NCOR2: variants seen among roughly 807,000 people sequenced by gnomAD.
The protein encoded by NCOR2 is CTG repeat protein 26.
Under a neutral mutation model 262.9 loss-of-function variants are expected in NCOR2, and 81 were observed. The observed-to-expected ratio is 0.31, with a 90% CI of 0.26 to 0.37. The LOEUF is 0.37. Among genes scored for constraint, NCOR2 ranks in the 10% least tolerant of loss-of-function variants. NCOR2 has a pLI of 1.00. For missense variants in NCOR2, 3,385 were observed against 3,621.4 expected (o/e 0.93, Z 1.68); for synonymous variants, 1,659 against 1,559.3 (o/e 1.06, Z -1.51).
At chr12:124,452,735 G>A (rs372796593) in intron 6 of NCOR2, among the ~76,000 whole-genome samples, 6 of 152,204 alleles carry the variant, frequency 3.9e-5, no homozygotes, top group East Asian at 3.9e-4. Context: ...GCAAGAGCCC[G>A]GTCAGCCTCC....
chr12:124,415,938 AG>A (rs1431746236), intron 13 of NCOR2, among the ~76,000 whole-genome samples: 1 of 152,102 alleles, frequency 6.6e-6, no homozygotes, highest in Non-Finnish European at 1.5e-5. Flanking sequence ...TTCAACAGCA[AG>A]TAAGAGTTGT....
At chr12:124,369,907 G>A (rs558299120) in intron 20 of NCOR2, among the ~76,000 whole-genome samples, 5 of 152,270 alleles carry the variant, frequency 3.3e-5, no homozygotes, top group South Asian at 2.1e-4. Flanking sequence ...TTCTGGGGAC[G>A]GACAGGATGC....
chr12:124,345,008 T>C lies in NCOR2; in HGVS notation c.4360-57A>G, dbSNP rs1401010708. The C allele has an allele frequency of 6.4e-6, 9 of 1,404,590 alleles. No individual in the cohort carries two copies. In the African/African-American group the frequency reaches 1.2e-4, roughly 18 times the overall value. 87.0% of individuals were successfully genotyped at this position (1,404,590 alleles called of 1,614,324 possible). ...GGCCACAGCCATAGCCCAGACCAGCTGCATCCCCCTTCTGAGCCTCAAAAA... is the reference window on the plus strand; with the variant it reads ...GGCCACAGCCATAGCCCAGACCAGCCGCATCCCCCTTCTGAGCCTCAAAAA... On this transcript the variant is annotated intron_variant, in intron 31 of 46. Transcript: ENST00000405201.
chr12:124,333,879 G>GGTGCGC (rs2035529381), intron 41 of NCOR2, among the ~76,000 whole-genome samples: 1 of 20,372 alleles, frequency 4.9e-5, no homozygotes, highest in Non-Finnish European at 1.4e-4. Flanking sequence ...CATGTGTGCG[G>GGTGCGC]GTGTGCATGT....
At chr12:124,362,022 A>T in intron 22 of NCOR2, 104 bp downstream of exon 24, 2 of 1,074,968 alleles carry the variant, frequency 1.9e-6, no homozygotes, top group African/African-American at 1.6e-5. Flanking sequence ...TTTCCCTGCC[A>T]CTGTGGCCAT....
Position 124,426,903 on chromosome 12 carries a change from G to C in NCOR2, c.1150-103C>G, listed in dbSNP as rs538467870. On this transcript the variant is annotated intron_variant, in intron 10 of 46. Coordinates refer to ENST00000405201, the Ensembl canonical transcript of NCOR2. Reference sequence around the variant, plus strand: ...CAGAGGGGACGGATGGTCTGCGCCAGAGCAGGGAAAACGCGAAACCAAGGA... The same window carrying C: ...CAGAGGGGACGGATGGTCTGCGCCACAGCAGGGAAAACGCGAAACCAAGGA... 1.3e-4 allele frequency: 146 copies of C among 1,161,300 alleles called. 1 individual carries two copies. In the East Asian group the frequency reaches 3.1e-3, roughly 25 times the overall value. 71.9% of individuals were successfully genotyped at this position (1,161,300 alleles called of 1,614,324 possible). A position where few individuals can be genotyped will look rare whatever the true frequency, so the allele number is the denominator to read the frequency against.
intron 22 of NCOR2, among the ~76,000 whole-genome samples, chr12:124,360,064 C>A (rs1215575369): frequency 6.6e-6 from 1 of 152,238 alleles, no homozygotes; most frequent in African/African-American, 2.4e-5. Context: ...GGCTCCCTTT[C>A]TCCCAGGACA....
rs376757891 is a variant in NCOR2, at chr12:124,335,127, G to A, written c.6411+8C>T. ...GGTGACAAGCAGCAGCAGAGAACGC[G>A]TAGTTACACTGATGTGCTGGGCCAG... is the stretch of plus-strand genomic sequence containing the variant. On this transcript the variant is annotated splice_region_variant and intron_variant, in intron 40 of 46. Coordinates refer to ENST00000405201, the Ensembl canonical transcript of NCOR2. The A allele has an allele frequency of 6.7e-5, 108 of 1,612,330 alleles. No individual in the cohort carries two copies. The African/African-American group carries it at 1.1e-3, about 16-fold the overall frequency.
Position 124,495,239 on chromosome 12 carries a change from T to G in NCOR2, c.13A>C (p.Thr5Pro). 1 of 1,613,210 alleles carries G rather than the reference T, an allele frequency of 6.2e-7. No homozygotes were observed. Among genetic ancestry groups the G allele is most frequent in the Non-Finnish European group, 8.5e-7 (1 of 1,179,674 alleles). Residue 5 changes from threonine (T) to proline (P), a missense_variant, in exon 1 of 47, where the codon ACA becomes CCA. Transcript: ENST00000405201. The surrounding 1 kb of genome is among the most constrained non-coding windows in gnomAD (Gnocchi z 4.4). ...CTCCACGTCTGTGCCACAGGCTGTG[T>G]GGATCCCGACATGGTGGTGGGGGTC...
At chr12:124,361,537 C>T (rs555793814) in intron 22 of NCOR2, among the ~76,000 whole-genome samples, 1 of 152,354 alleles carries the variant, frequency 6.6e-6, no homozygotes, top group Admixed American at 6.5e-5. Context: ...CGGGGCAGTC[C>T]CTGTGACACA....
intron 1 of NCOR2, among the ~76,000 whole-genome samples, chr12:124,510,832 G>A (rs533524761): frequency 1.3e-5 from 2 of 152,208 alleles, no homozygotes; most frequent in Non-Finnish European, 2.9e-5. Flanking sequence ...GCTGCACACT[G>A]TCCACCCCGG....
chr12:124,418,340 G>A (rs1277689176), intron 13 of NCOR2, among the ~76,000 whole-genome samples: 1 of 152,180 alleles, frequency 6.6e-6, no homozygotes, highest in Non-Finnish European at 1.5e-5. Flanking sequence ...CAACAGCCTC[G>A]TTTCCCTCAT....
chr12:124,325,263 C>G (rs2034526304), exon 47 of NCOR2: 3 of 508,418 alleles, frequency 5.9e-6, no homozygotes, highest in Non-Finnish European at 6.5e-6. Context: ...CGGCTCTGGA[C>G]GGACAGATGG....
chr12:124,499,796 G>A (rs953831269), upstream of NCOR2, among the ~76,000 whole-genome samples: 1 of 152,160 alleles, frequency 6.6e-6, no homozygotes, highest in African/African-American at 2.4e-5. Flanking sequence ...TTGCGGGGGA[G>A]AGTAAAGGGT....
At chr12:124,557,496 G>A (rs893367340) in intron 1 of NCOR2, among the ~76,000 whole-genome samples, 30 of 152,140 alleles carry the variant, frequency 2.0e-4, no homozygotes, top group Admixed American at 1.6e-3. Context: ...AAGGACACGG[G>A]CCACTGGATT....
chr12:124,514,369 G>A (rs1271767442), intron 1 of NCOR2: 1 of 152,244 alleles, frequency 6.6e-6, no homozygotes, highest in Non-Finnish European at 1.5e-5. Flanking sequence ...AGTCCAAATA[G>A]ACTAAAACAA....
chr12:124,343,004 C>T lies in NCOR2; in HGVS notation c.4936+1G>A. The T allele has an allele frequency of 6.2e-7, 1 of 1,610,520 alleles. No individual in the cohort carries two copies. Among genetic ancestry groups the T allele is most frequent in the Non-Finnish European group, 8.5e-7 (1 of 1,179,838 alleles). On this transcript the variant is annotated splice_donor_variant, in intron 33 of 46. Coordinates refer to ENST00000405201, the Ensembl canonical transcript of NCOR2. LOFTEE classifies it high-confidence loss of function. ...GGTTCTGGGAGCCCCAGGGCAATCA[C>T]CTGCGTCCAGAGGGATGCCGCGGGG...
At chr12:124,537,561 C>T (rs536381714), upstream of NCOR2, among the ~76,000 whole-genome samples, 5 of 152,356 alleles carry the variant, frequency 3.3e-5, no homozygotes, top group South Asian at 2.1e-4. Flanking sequence ...AAAATGGAAA[C>T]GATCATTTTA....
At chr12:124,444,270 T>G (rs1029091332) in intron 7 of NCOR2, among the ~76,000 whole-genome samples, 2 of 152,198 alleles carry the variant, frequency 1.3e-5, no homozygotes, top group Non-Finnish European at 2.9e-5. Flanking sequence ...CAGCATGTGA[T>G]GAGTTTGCTG....
Sources: allele counts gnomAD v4.1 joint callset (sites outside exome capture counted in the v4.1 genomes callset), GRCh38; gene constraint gnomAD v4.1.1; non-coding constraint Gnocchi (gnomAD v3.1); transcripts MANE v1.5; gene names NCBI Gene and HGNC (gene_info 2026-07-23, HGNC 2026-07-21).